The following ZNF462 variants were observed in gnomAD, a reference collection of about 807,000 sequenced individuals.
ZNF462 encodes the protein zinc finger PBX1-interacting protein.
In ZNF462, 10 loss-of-function variants were observed where a neutral mutation model predicts 201.9. That is an observed-to-expected ratio of 0.05 (90% confidence interval 0.03 to 0.08). The LOEUF is 0.08. Among genes scored for constraint, ZNF462 ranks in the 10% least tolerant of loss-of-function variants. ZNF462 has a pLI of 1.00. For missense variants in ZNF462, 2,523 were observed against 3,168.3 expected (o/e 0.80, Z 4.89); for synonymous variants, 1,227 against 1,193.3 (o/e 1.03, Z -0.58).
Position 106,978,905 on chromosome 9 carries a change from G to T in ZNF462, c.6832+4632G>T. ...TCTCATCATATCTGTCATTATAATT[G>T]GTCCTGATGGCTTCTACCAGCTTAG... On this transcript the variant is annotated intron_variant, in intron 9 of 12. Coordinates refer to ENST00000277225, the MANE Select transcript of ZNF462 (RefSeq NM_021224.6). This position sits in a 1 kb window ranked among gnomAD's most constrained non-coding sequence, Gnocchi z 4.1. 1 of 319,210 alleles carries T rather than the reference G, an allele frequency of 3.1e-6. No individual in the cohort carries two copies. The highest frequency in any genetic ancestry group is 3.0e-5 in the South Asian group (1 of 33,440). 19.8% of individuals were successfully genotyped at this position (319,210 alleles called of 1,614,324 possible). A position where few individuals can be genotyped will look rare whatever the true frequency, so the allele number is the denominator to read the frequency against.
chr9:106,976,462 A>T (rs532959184), intron 9 of ZNF462: 1 of 152,190 alleles, frequency 6.6e-6, no homozygotes, highest in Non-Finnish European at 1.5e-5. Flanking sequence ...CCCATCATAA[A>T]TACAATAGTA....
chr9:106,932,487 G>C lies in ZNF462; in HGVS notation c.6054G>C (p.Met2018Ile). 6.2e-7 allele frequency: 1 copy of C among 1,614,236 alleles called. No homozygotes were observed. Among genetic ancestry groups the C allele is most frequent in the Non-Finnish European group, 8.5e-7 (1 of 1,180,032 alleles). ...SHERSHLALAMFTREDKYSCQ... is the reference protein window; with the variant it reads ...SHERSHLALAIFTREDKYSCQ... Reference sequence around the variant, plus strand: ...AGAGGAGCCACCTGGCCCTGGCCATGTTTACCCGCGAGGACAAGTACAGCT... The same window carrying C: ...AGAGGAGCCACCTGGCCCTGGCCATCTTTACCCGCGAGGACAAGTACAGCT... The change falls in exon 5 of 13, where the codon ATG (methionine) becomes ATC (isoleucine). Residue 2018 changes from methionine (M) to isoleucine (I), a missense_variant. Physicochemically the swap from Met to Ile is conservative, Grantham distance 10 (BLOSUM62 1). Around this residue, in one of 15 missense-constraint regions of ZNF462, gnomAD observed 107 missense variants for 187.7 expected, o/e 0.57. Coordinates refer to ENST00000277225, the MANE Select transcript of ZNF462 (RefSeq NM_021224.6). The surrounding 1 kb of genome is among the most constrained non-coding windows in gnomAD (Gnocchi z 6.8).
intron 10 of ZNF462, among the ~76,000 whole-genome samples, chr9:106,987,031 AGATAGAT>A (rs1287566434): frequency 3.4e-5 from 5 of 148,174 alleles, no homozygotes; most frequent in South Asian, 2.1e-4. Flanking sequence ...ATAGATAGAT[AGATAGAT>A]ATCACAGTTT....
At chr9:106,971,282 G>A (rs759898717) in intron 7 of ZNF462, among the ~76,000 whole-genome samples, 36 of 150,858 alleles carry the variant, frequency 2.4e-4, no homozygotes, top group Non-Finnish European at 3.8e-4. Context: ...TCGTGTAGAC[G>A]CCTGTGTACA....
intron 7 of ZNF462, among the ~76,000 whole-genome samples, chr9:106,960,540 A>G (rs980627966): frequency 2.0e-5 from 3 of 152,146 alleles, no homozygotes; most frequent in Non-Finnish European, 4.4e-5. Context: ...AACGAACAGC[A>G]GGAAACCTTA....
At chr9:106,907,566 ACTT>A (rs1829323617) in intron 1 of ZNF462, among the ~76,000 whole-genome samples, 1 of 151,920 alleles carries the variant, frequency 6.6e-6, no homozygotes, top group African/African-American at 2.4e-5. Flanking sequence ...GATAGTGTCT[ACTT>A]CTTATACTTA....
At chr9:106,866,843 A>G (rs771929835) in intron 1 of ZNF462, among the ~76,000 whole-genome samples, 25 of 152,356 alleles carry the variant, frequency 1.6e-4, no homozygotes, top group Non-Finnish European at 3.4e-4. Flanking sequence ...TTTTACATCT[A>G]ATTAACCATG....
At chr9:106,922,890 G>T (rs1486445061) in intron 1 of ZNF462, among the ~76,000 whole-genome samples, 1 of 152,136 alleles carries the variant, frequency 6.6e-6, no homozygotes, top group Non-Finnish European at 1.5e-5. Context: ...AAACACCAAG[G>T]TCATAATACT....
At chr9:106,921,636 T>C (rs1258011939) in intron 1 of ZNF462, among the ~76,000 whole-genome samples, 1 of 152,170 alleles carries the variant, frequency 6.6e-6, no homozygotes, top group Non-Finnish European at 1.5e-5. Context: ...AGGACTAAGC[T>C]TGGGGGATGG....
At chr9:106,862,434 G>C (rs556327080), upstream of ZNF462, among the ~76,000 whole-genome samples, 1 of 152,174 alleles carries the variant, frequency 6.6e-6, no homozygotes, top group African/African-American at 2.4e-5. This position sits in a 1 kb window ranked among gnomAD's most constrained non-coding sequence, Gnocchi z 4.2. Flanking sequence ...GGGCGCCACC[G>C]GGACGCGAGC....
Position 106,927,512 on chromosome 9 carries a change from T to C in ZNF462, c.3600T>C (p.Tyr1200=), listed in dbSNP as rs1412082030. 2 of 1,613,648 alleles carry C rather than the reference T, an allele frequency of 1.2e-6. No homozygotes were observed. The highest frequency in any genetic ancestry group is 3.3e-5 in the Admixed American group (2 of 59,974). The part of the protein sequence containing the change: ...NEMFFCQHCD[Y]GNRTVKGVLI... ...TGTTCTTTTGCCAGCACTGTGATTA[T>C]GGGAACCGGACGGTCAAAGGGGTAC... Residue 1200 remains tyrosine, a synonymous_variant, in exon 3 of 13, where the codon TAT becomes TAC. Coordinates refer to ENST00000277225, the MANE Select transcript of ZNF462 (RefSeq NM_021224.6).
chr9:106,959,218 C>T (rs569984004), intron 7 of ZNF462, among the ~76,000 whole-genome samples: 1 of 152,154 alleles, frequency 6.6e-6, no homozygotes, highest in South Asian at 2.1e-4. Context: ...AAGTTGCTGC[C>T]ATAAGTAGCA....
intron 1 of ZNF462, among the ~76,000 whole-genome samples, chr9:106,871,890 T>C: frequency 6.6e-6 from 1 of 152,144 alleles, no homozygotes; most frequent in East Asian, 1.9e-4. Context: ...CCCTGGGTGT[T>C]AGAAGAAATG....
chr9:106,921,612 TTGGC>T (rs1465351010), intron 1 of ZNF462, among the ~76,000 whole-genome samples: 1 of 152,216 alleles, frequency 6.6e-6, no homozygotes, highest in Non-Finnish European at 1.5e-5. Context: ...TGTGGCTTGT[TTGGC>T]TGAGATGAAA....
In ZNF462 at chr9:106,978,084, CTCTTT is replaced by C. The variant is rs1827151406; in HGVS notation, c.6832+3816_6832+3820del. 6.6e-6 allele frequency among the ~76,000 whole-genome samples: 1 copy of C among 151,452 alleles called. No homozygotes were observed. Among genetic ancestry groups the C allele is most frequent in the Admixed American group, 6.6e-5 (1 of 15,240 alleles). ...TTCTCTATGTGTATCTCTTTGTGCC[CTCTTT>C]TCTTCTTATAAGAACACTAGTCATT... On this transcript the variant is annotated intron_variant, in intron 9 of 12. Transcript: ENST00000277225. The surrounding 1 kb of genome is among the most constrained non-coding windows in gnomAD (Gnocchi z 4.1).
intron 1 of ZNF462, among the ~76,000 whole-genome samples, chr9:106,916,108 G>A (rs991122638): frequency 5.9e-5 from 9 of 151,980 alleles, no homozygotes; most frequent in African/African-American, 1.2e-4. Context: ...CACACACTCC[G>A]CAAGCCACTG....
chr9:106,922,240 A>C (rs952958560), intron 1 of ZNF462, among the ~76,000 whole-genome samples: 3 of 152,222 alleles, frequency 2.0e-5, no homozygotes, highest in African/African-American at 7.2e-5. Flanking sequence ...GATCTTACTG[A>C]AGTAACTTAC....
intron 7 of ZNF462, 102 bp downstream of exon 7, chr9:106,939,209 T>TGATG: frequency 1.6e-6 from 2 of 1,239,042 alleles, no homozygotes; most frequent in Non-Finnish European, 2.2e-6. Flanking sequence ...TGTGAAAACA[T>TGATG]GATGGTTCAA....
chr9:106,986,308 A>T (rs1018236872), intron 10 of ZNF462, among the ~76,000 whole-genome samples: 2 of 152,210 alleles, frequency 1.3e-5, no homozygotes, highest in African/African-American at 2.4e-5. Flanking sequence ...TGAACCAAAA[A>T]GATCTGGGTT....
Sources: gnomAD v4.1 joint callset for allele counts (sites outside exome capture counted in the v4.1 genomes callset) on GRCh38, gnomAD v4.1.1 for gene constraint, gnomAD v4.1.1 regional missense constraint, Gnocchi (gnomAD v3.1) non-coding constraint, MANE v1.5 for transcripts, NCBI Gene and HGNC (gene_info 2026-07-23, HGNC 2026-07-21) for gene names.